EIF2AK3: variants seen among roughly 807,000 people sequenced by gnomAD.
The protein encoded by EIF2AK3 is eukaryotic translation initiation factor 2 alpha kinase 3, also known as eukaryotic translation initiation factor 2-alpha kinase 3.
A neutral mutation model predicts 113.5 loss-of-function variants in EIF2AK3; 50 were observed. The observed-to-expected ratio is 0.44, with a 90% confidence interval of 0.35 to 0.56. The LOEUF is 0.56. Among genes scored for constraint, EIF2AK3 ranks in the 20% least tolerant of loss-of-function variants. EIF2AK3 has a pLI of 0.00. For missense variants in EIF2AK3, 1,185 were observed against 1,378.0 expected (o/e 0.86, Z 2.22); for synonymous variants, 448 against 495.4 (o/e 0.90, Z 1.27).
intron 1 of EIF2AK3, among the ~76,000 whole-genome samples, chr2:88,623,308 T>G (rs907782713): frequency 2.7e-4 from 41 of 152,340 alleles, no homozygotes; most frequent in Non-Finnish European, 2.9e-5. Flanking sequence ...AATGTAATGT[T>G]TAGCAGAAGA....
At position 88,619,734 on chromosome 2, in the gene EIF2AK3, A is replaced by C. The variant is rs574505284; in HGVS notation, c.309-5881T>G. On this transcript the variant is annotated intron_variant, in intron 1 of 16. Coordinates refer to ENST00000303236, the MANE Select transcript of EIF2AK3 (RefSeq NM_004836.7). The stretch of plus-strand genomic sequence containing the variant: ...TTTGGGAGGCCAAGGCGGATGGATC[A>C]CCTGAGATCAGGAGTTCAAGACCAA... Among the ~76,000 whole-genome samples the C allele has an allele frequency of 5.9e-5, 9 of 152,240 alleles. No individual in the cohort carries two copies. In the East Asian group the frequency reaches 1.7e-3, roughly 30 times the overall value.
In EIF2AK3 at chr2:88,557,511, TAACA is replaced by T. The variant is rs954373076; in HGVS notation, c.*221_*224del. 9 of 575,894 alleles carry T rather than the reference TAACA, an allele frequency of 1.6e-5. No individual in the cohort carries two copies. The highest frequency in any genetic ancestry group is 9.3e-5 in the African/African-American group (5 of 53,498). 35.7% of individuals were successfully genotyped at this position (575,894 alleles called of 1,614,324 possible). A position where few individuals can be genotyped will look rare whatever the true frequency, so the allele number is the denominator to read the frequency against. ...TGGCCAGCAGCCAGTTTCAAGAGAC[TAACA>T]AAGAACAAAGATAGCCCTTTCCTTA... On this transcript the variant is annotated 3_prime_UTR_variant, in exon 17 of 17. Coordinates refer to ENST00000303236, the MANE Select transcript of EIF2AK3 (RefSeq NM_004836.7).
chr2:88,576,005 A>G (rs1238767239), intron 12 of EIF2AK3, among the ~76,000 whole-genome samples: 1 of 152,234 alleles, frequency 6.6e-6, no homozygotes, highest in Non-Finnish European at 1.5e-5. Context: ...TTCCTATAGC[A>G]CATCATAGTT....
Position 88,574,968 on chromosome 2 carries a change from C to T in EIF2AK3, c.2515G>A (p.Ala839Thr). The T allele has an allele frequency of 6.2e-7, 1 of 1,614,148 alleles. No individual in the cohort carries two copies. Reference sequence around the variant, plus strand: ...GATTTGCTACTGGTGGGCTTGAAAGCAGTTAGTTTATTAGCACAATGGTTG... The same window carrying T: ...GATTTGCTACTGGTGGGCTTGAAAGTAGTTAGTTTATTAGCACAATGGTTG... ...IGNHCANKLT[A>T]FKPTSSKSSS... The change falls in exon 13 of 17, where the codon GCT (alanine) becomes ACT (threonine). Residue 839 changes from alanine (A) to threonine (T), a missense_variant. By Grantham distance (58) the Ala-to-Thr change is moderately conservative (BLOSUM62 0). This residue lies in a region of EIF2AK3 where 877 missense variants were observed against 1,024.2 expected (regional missense o/e 0.86). Coordinates refer to ENST00000303236, the MANE Select transcript of EIF2AK3 (RefSeq NM_004836.7).
At chr2:88,570,008 T>C (rs752883025) in intron 14 of EIF2AK3, among the ~76,000 whole-genome samples, 2 of 151,904 alleles carry the variant, frequency 1.3e-5, no homozygotes, top group Admixed American at 6.6e-5. Context: ...TAAACAAATG[T>C]CACTCTAATT....
chr2:88,607,442 A>G (rs571194124), intron 2 of EIF2AK3, among the ~76,000 whole-genome samples: 29 of 152,328 alleles, frequency 1.9e-4, no homozygotes, highest in Non-Finnish European at 3.2e-4. Context: ...TAGGTGCATT[A>G]TTTATTCTAA....
In EIF2AK3 at chr2:88,627,299, A is replaced by G. The variant is rs949081837; in HGVS notation, c.-25T>C. On this transcript the variant is annotated 5_prime_UTR_variant, in exon 1 of 17. It removes an upstream start codon present in the reference 5' UTR. Coordinates refer to ENST00000303236, the MANE Select transcript of EIF2AK3 (RefSeq NM_004836.7). ...TCAGCGTCCCGCCCCGCGCGCAGGC[A>G]TGGAGGCGCAGCCACTGACGCCTGC... The G allele has an allele frequency of 4.2e-5, 62 of 1,476,142 alleles. No homozygotes were observed. The highest frequency in any genetic ancestry group is 5.3e-5 in the Non-Finnish European group (59 of 1,117,604). 91.4% of individuals were successfully genotyped at this position (1,476,142 alleles called of 1,614,324 possible).
chr2:88,585,453 G>T (rs1324997385), intron 9 of EIF2AK3, among the ~76,000 whole-genome samples: 2 of 152,028 alleles, frequency 1.3e-5, no homozygotes, highest in Non-Finnish European at 2.9e-5. Context: ...ATTGGAGCTG[G>T]GAAAGTAGGG....
intron 1 of EIF2AK3, 148 bp from the exon 2 acceptor site, chr2:88,614,001 C>A: frequency 1.4e-6 from 1 of 700,312 alleles, no homozygotes; most frequent in Non-Finnish European, 2.4e-6. Flanking sequence ...CCACCACTGT[C>A]TTTGGACCAA....
chr2:88,613,827 T>C lies in EIF2AK3; in HGVS notation c.335A>G (p.Asp112Gly). The change falls in exon 2 of 17, where the codon GAT becomes GGT. Residue 112 changes from aspartate (D) to glycine (G), a missense_variant. Asp to Gly is a moderately conservative substitution (Grantham distance 94). Transcript: ENST00000303236. ...GRSLVIISTL[D>G]GRIAALDPEN... is the part of the protein sequence containing the mutation. ...AGGATCCAAGGCAGCAATTCTCCCA[T>C]CTAAAGTGCTGATAATTACTAATGA... 2 of 1,613,312 alleles carry C rather than the reference T, an allele frequency of 1.2e-6. No homozygotes were observed. Among genetic ancestry groups the C allele is most frequent in the Non-Finnish European group, 1.7e-6 (2 of 1,179,236 alleles).
At chr2:88,625,397 G>A (rs1005606261) in intron 1 of EIF2AK3, among the ~76,000 whole-genome samples, 1 of 151,258 alleles carries the variant, frequency 6.6e-6, no homozygotes, top group Non-Finnish European at 1.5e-5. Flanking sequence ...GTTTCCTCAA[G>A]TCCAGTGACT....
chr2:88,580,508 A>G (rs1047163992), intron 10 of EIF2AK3, among the ~76,000 whole-genome samples: 2 of 152,200 alleles, frequency 1.3e-5, no homozygotes, highest in African/African-American at 4.8e-5. Flanking sequence ...TTTTGCAATT[A>G]TGTGTAAGCA....
chr2:88,577,562 A>ACT (rs1399842896), intron 11 of EIF2AK3, among the ~76,000 whole-genome samples: 1 of 151,066 alleles, frequency 6.6e-6, no homozygotes, highest in Non-Finnish European at 1.5e-5. Context: ...GCCTTTTAGT[A>ACT]GAGATGAGAT....
chr2:88,625,976 T>C (rs1384674886), intron 1 of EIF2AK3, among the ~76,000 whole-genome samples: 1 of 152,200 alleles, frequency 6.6e-6, no homozygotes, highest in African/African-American at 2.4e-5. Flanking sequence ...CTTGTTACGA[T>C]CTAGTAATGA....
intron 15 of EIF2AK3, among the ~76,000 whole-genome samples, chr2:88,560,013 T>G (rs1187389022): frequency 6.6e-6 from 1 of 152,212 alleles, no homozygotes; most frequent in African/African-American, 2.4e-5. Flanking sequence ...TTTAACTGTT[T>G]AAGGAACTGC....
intron 8 of EIF2AK3, among the ~76,000 whole-genome samples, chr2:88,586,535 C>T (rs1471510916): frequency 6.8e-6 from 1 of 146,810 alleles, no homozygotes; most frequent in East Asian, 2.0e-4. Flanking sequence ...AATAGCTTGT[C>T]TTTTTTTGTC....
chr2:88,591,157 G>A, intron 4 of EIF2AK3, 105 bp from the exon 5 acceptor site: 1 of 1,026,338 alleles, frequency 9.7e-7, no homozygotes, highest in Non-Finnish European at 1.5e-6. Flanking sequence ...ATTATGTGAT[G>A]AGAAAACTAA....
intron 2 of EIF2AK3, among the ~76,000 whole-genome samples, chr2:88,601,503 G>A (rs1675146186): frequency 6.6e-6 from 1 of 152,302 alleles, no homozygotes; most frequent in East Asian, 1.9e-4. Context: ...ATTCATTTAT[G>A]TATCTGTCTA....
chr2:88,597,040 A>C (rs1011714170), intron 2 of EIF2AK3, among the ~76,000 whole-genome samples: 1 of 152,228 alleles, frequency 6.6e-6, no homozygotes, highest in African/African-American at 2.4e-5. Context: ...GAGAGAAGTA[A>C]GAGTTAACAA....
Sources: gnomAD v4.1 joint callset for allele counts (sites outside exome capture counted in the v4.1 genomes callset) on GRCh38, gnomAD v4.1.1 for gene constraint, gnomAD v4.1.1 regional missense constraint, MANE v1.5 for transcripts, NCBI Gene and HGNC (gene_info 2026-07-23, HGNC 2026-07-21) for gene names.